The following OTOF variants were observed in gnomAD, a reference collection of about 807,000 sequenced individuals.
The protein encoded by OTOF is fer-1-like family member 2.
A neutral mutation model predicts 236.8 loss-of-function variants in OTOF; 218 were observed. The ratio of observed to expected loss-of-function variants is 0.92; its 90% CI spans 0.82 to 1.03. The LOEUF (loss-of-function observed/expected upper bound fraction) is 1.03, where lower values mean the gene tolerates loss of function less well. Ranked by LOEUF, OTOF falls within the 50% of genes least tolerant of loss-of-function variation. The pLI, the probability that OTOF is intolerant of heterozygous loss-of-function variation, is 0.00. For synonymous variants in OTOF, 1,041 were observed against 1,072.5 expected (o/e 0.97, Z 0.57); for missense variants, 2,590 against 2,694.4 (o/e 0.96, Z 0.86).
chr2:26,496,282 T>C (rs532692060), intron 8 of OTOF, among the ~76,000 whole-genome samples: 34 of 149,968 alleles, frequency 2.3e-4, no homozygotes, highest in South Asian at 2.1e-3. Context: ...CACTCAGGCC[T>C]GGAGTGCAGT....
chr2:26,510,076 C>T (rs1008221250), intron 5 of OTOF, among the ~76,000 whole-genome samples: 2 of 152,154 alleles, frequency 1.3e-5, no homozygotes, highest in African/African-American at 4.8e-5. Context: ...TCTTTCCAGA[C>T]CCTTGTGACC....
chr2:26,534,077 A>G (rs941549481), intron 2 of OTOF, among the ~76,000 whole-genome samples: 1 of 152,166 alleles, frequency 6.6e-6, no homozygotes, highest in African/African-American at 2.4e-5. Context: ...ACAAATGACC[A>G]TAGGTCCTGG....
chr2:26,548,600 C>T (rs1011441459), intron 1 of OTOF, among the ~76,000 whole-genome samples: 6 of 152,226 alleles, frequency 3.9e-5, no homozygotes, highest in Non-Finnish European at 2.9e-5. Flanking sequence ...TCAACGACCA[C>T]TTGGATATAC....
intron 3 of OTOF, among the ~76,000 whole-genome samples, chr2:26,525,773 G>A (rs1301161546): frequency 6.6e-6 from 1 of 152,102 alleles, no homozygotes; most frequent in Non-Finnish European, 1.5e-5. Flanking sequence ...TGGATCGATA[G>A]ATGGATCAGT....
At chr2:26,513,708 G>A (rs1269739206) in intron 5 of OTOF, among the ~76,000 whole-genome samples, 1 of 152,212 alleles carries the variant, frequency 6.6e-6, no homozygotes, top group Non-Finnish European at 1.5e-5. Flanking sequence ...GCCTTCCCAG[G>A]AGAGGATGGA....
chr2:26,533,944 C>T (rs1040322314), intron 2 of OTOF, among the ~76,000 whole-genome samples: 6 of 152,088 alleles, frequency 3.9e-5, no homozygotes, highest in African/African-American at 1.4e-4. Flanking sequence ...CCTGTCATCC[C>T]CCAGGCTGGA....
intron 8 of OTOF, among the ~76,000 whole-genome samples, chr2:26,500,756 T>C (rs528675801): frequency 5.3e-5 from 8 of 152,258 alleles, no homozygotes; most frequent in African/African-American, 1.9e-4. Context: ...ACCTTTTACA[T>C]AGAAAAGTGC....
chr2:26,468,397 C>T lies in OTOF; in HGVS notation c.4090+11G>A, dbSNP rs1167133235. 2 of 1,611,432 alleles carry T rather than the reference C, an allele frequency of 1.2e-6. No individual in the cohort carries two copies. The highest frequency in any genetic ancestry group is 3.3e-5 in the Admixed American group (2 of 59,998). On this transcript the variant is annotated intron_variant, in intron 33 of 46. Coordinates refer to ENST00000272371, the MANE Select transcript of OTOF (RefSeq NM_194248.3). ...GGAGGAGGAGGCAGAGTTCCAGGTT[C>T]CAGGGCTCACCCTCGGTATTGTCCA...
Position 26,516,577 on chromosome 2 carries a change from C to T in OTOF, c.350G>A (p.Arg117Gln), listed in dbSNP as rs1403233423. 1.5e-5 allele frequency: 24 copies of T among 1,608,010 alleles called. No individual in the cohort carries two copies. Among genetic ancestry groups the T allele is most frequent in the Admixed American group, 3.3e-5 (2 of 60,016 alleles). Residue 117 changes from arginine to glutamine, a missense_variant, in exon 5 of 47, where the codon CGG (arginine) becomes CAG (glutamine). By Grantham distance (43) the Arg-to-Gln change is conservative. Transcript: ENST00000272371. ...CACTGTGCCGTCAGTGGCCTGATAC[C>T]GGACCTCCACGCACAGGCTGGTCTG... ...IIKTSLCVEV[R>Q]YQATDGTVGS...
Position 26,465,797 on chromosome 2 carries a change from C to T in OTOF, c.4674G>A (p.Thr1558=), listed in dbSNP as rs751556362. 29 of 1,614,096 alleles carry T rather than the reference C, an allele frequency of 1.8e-5. No individual in the cohort carries two copies. Among genetic ancestry groups the T allele is most frequent in the East Asian group, 1.8e-4 (8 of 44,894 alleles). ...EASFPMESML[T]VAVYDWDLVG... Reference sequence around the variant, plus strand: ...CCAGGTCCCAGTCATACACAGCCACCGTCAGCATGGATTCCATGGGGAAGG... The same window carrying T: ...CCAGGTCCCAGTCATACACAGCCACTGTCAGCATGGATTCCATGGGGAAGG... The change falls in exon 38 of 47, where the codon ACG becomes ACA. Residue 1558 remains threonine (T), a synonymous_variant. Coordinates refer to ENST00000272371, the MANE Select transcript of OTOF (RefSeq NM_194248.3).
intron 2 of OTOF, among the ~76,000 whole-genome samples, chr2:26,529,855 G>T (rs1311768952): frequency 6.6e-6 from 1 of 152,128 alleles, no homozygotes; most frequent in Non-Finnish European, 1.5e-5. Context: ...GGCGAGGTGG[G>T]CACAGGGCGG....
Position 26,470,678 on chromosome 2 carries a change from G to A in OTOF, c.3938C>T (p.Ala1313Val), listed in dbSNP as rs143650036. The A allele has an allele frequency of 1.4e-5, 23 of 1,613,758 alleles. No homozygotes were observed. The highest frequency in any genetic ancestry group is 2.2e-5 in the East Asian group (1 of 44,864). Residue 1313 changes from alanine (A) to valine (V), a missense_variant, in exon 32 of 47, where the codon GCG (alanine) becomes GTG (valine). By Grantham distance (64) the Ala-to-Val change is moderately conservative. This residue lies in a region of OTOF where 1,211 missense variants were observed against 1,352.8 expected (regional missense o/e 0.90). Transcript: ENST00000272371. This position sits in a 1 kb window ranked among gnomAD's most constrained non-coding sequence, Gnocchi z 4.3. ...TGGCTCCTCCTCCTCTGGCTCCTCC[G>A]CAGTGCCCTTCTTCTTCTTCTTCTT... ...KEKKKKKKGT[A>V]EEPEEEEPDE...
rs771170200 is a variant in OTOF, at chr2:26,477,525, G to A, written c.2316-19C>T. ...GAAGCGGCTGGGGGTAGGGCGAGCC[G>A]GGGTTTAGCGAGCCTGACCAGCAGG... On this transcript the variant is annotated intron_variant, in intron 19 of 46. Transcript: ENST00000272371. This position sits in a 1 kb window ranked among gnomAD's most constrained non-coding sequence, Gnocchi z 4.7. The A allele has an allele frequency of 2.5e-5, 40 of 1,597,416 alleles. No homozygotes were observed. Among genetic ancestry groups the A allele is most frequent in the Middle Eastern group, 1.7e-4 (1 of 6,054 alleles).
intron 1 of OTOF, among the ~76,000 whole-genome samples, chr2:26,548,698 G>A (rs2148133523): frequency 6.6e-6 from 1 of 152,248 alleles, no homozygotes; most frequent in Admixed American, 6.5e-5. Context: ...TACTATGATT[G>A]CCTACAGCAT....
intron 36 of OTOF, among the ~76,000 whole-genome samples, 170 bp downstream of exon 36, chr2:26,466,544 C>T (rs138481203): frequency 0.015 from 2,239 of 152,258 alleles, 19 homozygotes; most frequent in Non-Finnish European, 0.02. Flanking sequence ...ACCATGTTGG[C>T]CAGGCTGGTC....
intron 1 of OTOF, among the ~76,000 whole-genome samples, chr2:26,555,453 C>T (rs552223448): frequency 6.6e-6 from 1 of 152,268 alleles, no homozygotes; most frequent in South Asian, 2.1e-4. Flanking sequence ...AATGCATGAA[C>T]AGGGCAGCAC....
Position 26,477,576 on chromosome 2 carries a change from C to T in OTOF, c.2316-70G>A, listed in dbSNP as rs187527721. The T allele has an allele frequency of 4.2e-5, 68 of 1,600,120 alleles. No homozygotes were observed. In the Admixed American group the frequency reaches 1.1e-3, roughly 26 times the overall value. The stretch of plus-strand genomic sequence containing the variant: ...GGCTCTGTAGATTCTTCCTCATCTG[C>T]CCAGCCCTGGCAGGGTCCCCTTTGT... On this transcript the variant is annotated intron_variant, in intron 19 of 46. Coordinates refer to ENST00000272371, the MANE Select transcript of OTOF (RefSeq NM_194248.3). The surrounding 1 kb of genome is among the most constrained non-coding windows in gnomAD (Gnocchi z 4.7).
chr2:26,482,318 G>T, intron 14 of OTOF, 88 bp downstream of exon 14: 2 of 1,246,708 alleles, frequency 1.6e-6, no homozygotes, highest in Non-Finnish European at 2.3e-6. Context: ...AGCTGATGAC[G>T]GTGGTGTGAA....
intron 31 of OTOF, 57 bp downstream of exon 31, chr2:26,471,064 T>C: frequency 6.3e-7 from 1 of 1,599,574 alleles, no homozygotes. Context: ...TGGCCTGACA[T>C]CATTGCCAAT....
Sources: allele counts gnomAD v4.1 joint callset (sites outside exome capture counted in the v4.1 genomes callset), GRCh38; gene constraint gnomAD v4.1.1; regional missense constraint gnomAD v4.1.1; non-coding constraint Gnocchi (gnomAD v3.1); transcripts MANE v1.5; gene names NCBI Gene and HGNC (gene_info 2026-07-23, HGNC 2026-07-21).